SDCCAG8: variants seen among roughly 807,000 people sequenced by gnomAD.
SDCCAG8 encodes serologically defined colon cancer antigen 8.
Under a neutral mutation model 101.8 loss-of-function variants are expected in SDCCAG8, and 74 were observed. The ratio of observed to expected loss-of-function variants is 0.73; its 90% CI spans 0.60 to 0.88. The LOEUF (loss-of-function observed/expected upper bound fraction) is 0.88. Among genes scored for constraint, SDCCAG8 ranks in the 40% least tolerant of loss-of-function variants. The pLI, the probability that SDCCAG8 is intolerant of heterozygous loss-of-function variation, is 0.00. For missense variants in SDCCAG8, 787 were observed against 822.6 expected (o/e 0.96, Z 0.53); for synonymous variants, 281 against 292.9 (o/e 0.96, Z 0.41).
chr1:243,387,891 T>A (rs942486549), intron 13 of SDCCAG8, among the ~76,000 whole-genome samples: 4 of 152,112 alleles, frequency 2.6e-5, no homozygotes, highest in African/African-American at 7.2e-5. Context: ...AATTTTTGTA[T>A]TTTTAGTAGA....
intron 1 of SDCCAG8, among the ~76,000 whole-genome samples, chr1:243,260,678 A>G (rs1019392219): frequency 6.6e-6 from 1 of 152,232 alleles, no homozygotes; most frequent in Non-Finnish European, 1.5e-5. Flanking sequence ...ACCTGTATAC[A>G]TGACTCACCT....
At chr1:243,270,374 A>G (rs2067988709) in intron 2 of SDCCAG8, 117 bp downstream of exon 2, 2 of 1,038,866 alleles carry the variant, frequency 1.9e-6, no homozygotes, top group African/African-American at 1.6e-5. Context: ...CTCAAACACA[A>G]ATCAGATAAT....
chr1:243,402,314 C>A lies in SDCCAG8; in HGVS notation c.1617-13388C>A, dbSNP rs570250776. On this transcript the variant is annotated intron_variant, in intron 13 of 17. Transcript: ENST00000366541. ...GCATGATGGCGCACACCTGTAGTCACAGCTGCTCAGGAGGCTGAGACAGGA... is the reference window on the plus strand; with the variant it reads ...GCATGATGGCGCACACCTGTAGTCAAAGCTGCTCAGGAGGCTGAGACAGGA... Among the ~76,000 whole-genome samples, 13 of 151,040 alleles carry A rather than the reference C, an allele frequency of 8.6e-5. No individual in the cohort carries two copies. The South Asian group carries it at 2.5e-3, about 29-fold the overall frequency.
rs60044857 is a variant in SDCCAG8, at chr1:243,439,622, TCACACACACACACA to T, written c.1985+13095_1985+13108del. Among the ~76,000 whole-genome samples the T allele has an allele frequency of 5.4e-3, 648 of 120,198 alleles. 10 individuals carry two copies. The highest frequency in any genetic ancestry group is 0.02 in the African/African-American group (605 of 30,226). The allele number at this position is 120,198 out of a possible 152,430, so 78.9% of individuals were successfully genotyped here. ...CCTGGGCAACAAGAGTGAGACTCCATCACACACACACACACACACACACACACACACACACACAC... is the reference window on the plus strand; with the variant it reads ...CCTGGGCAACAAGAGTGAGACTCCATCACACACACACACACACACACACAC... On this transcript the variant is annotated intron_variant, in intron 16 of 17. Coordinates refer to ENST00000366541, the MANE Select transcript of SDCCAG8 (RefSeq NM_006642.5).
intron 12 of SDCCAG8, among the ~76,000 whole-genome samples, chr1:243,363,227 A>G (rs969239652): frequency 1.3e-5 from 2 of 152,262 alleles, no homozygotes; most frequent in African/African-American, 4.8e-5. Context: ...TTTAAGAACC[A>G]GATCATGTTT....
At chr1:243,391,774 A>G (rs1159914570) in intron 13 of SDCCAG8, among the ~76,000 whole-genome samples, 2 of 152,238 alleles carry the variant, frequency 1.3e-5, no homozygotes, top group African/African-American at 4.8e-5. Flanking sequence ...TTAGAACCAT[A>G]TGAACAAAAG....
At chr1:243,383,270 C>A (rs936952475) in intron 13 of SDCCAG8, among the ~76,000 whole-genome samples, 1 of 152,102 alleles carries the variant, frequency 6.6e-6, no homozygotes, top group African/African-American at 2.4e-5. Flanking sequence ...CCCAGACAGC[C>A]TAGGATTGAA....
At chr1:243,357,240 G>A (rs1471760622) in intron 12 of SDCCAG8, among the ~76,000 whole-genome samples, 9 of 152,000 alleles carry the variant, frequency 5.9e-5, no homozygotes, top group South Asian at 2.1e-4. Flanking sequence ...TTAGCCAGGC[G>A]TGGTGGCACA....
intron 12 of SDCCAG8, among the ~76,000 whole-genome samples, chr1:243,350,799 C>T (rs988038201): frequency 2.0e-5 from 3 of 152,114 alleles, no homozygotes; most frequent in African/African-American, 7.2e-5. Context: ...GAACCTTTTC[C>T]CTGGAAGTTT....
intron 15 of SDCCAG8, among the ~76,000 whole-genome samples, chr1:243,421,487 TA>T (rs2081002059): frequency 6.6e-6 from 1 of 152,180 alleles, no homozygotes; most frequent in African/African-American, 2.4e-5. Context: ...AAGGAGACCG[TA>T]AGTCGCATTA....
intron 16 of SDCCAG8, among the ~76,000 whole-genome samples, chr1:243,468,414 C>T (rs1292247770): frequency 6.6e-6 from 1 of 152,166 alleles, no homozygotes; most frequent in East Asian, 1.9e-4. Context: ...GATGGGGTTT[C>T]ACCATATTGG....
chr1:243,429,695 A>ATTT lies in SDCCAG8; in HGVS notation c.1985+3159_1985+3161dup, dbSNP rs796450909. Among the ~76,000 whole-genome samples the ATTT allele has an allele frequency of 6.9e-3, 642 of 92,856 alleles. 22 individuals are homozygous for ATTT. The highest frequency in any genetic ancestry group is 0.014 in the African/African-American group (324 of 22,818). 60.9% of individuals were successfully genotyped at this position (92,856 alleles called of 152,430 possible). The stretch of plus-strand genomic sequence containing the variant: ...AGGTACATACCACCATGCTCTGCTA[A>ATTT]TTTTTTTTTTTTTTTTTTTTTTTTG... On this transcript the variant is annotated intron_variant, in intron 16 of 17. Transcript: ENST00000366541.
In SDCCAG8 at chr1:243,418,050, A is replaced by C; in HGVS notation, c.1827A>C (p.Lys609Asn). 6.2e-7 allele frequency: 1 copy of C among 1,612,670 alleles called. No homozygotes were observed. Among genetic ancestry groups the C allele is most frequent in the East Asian group, 2.2e-5 (1 of 44,804 alleles). ...AAGAATGCTGTACATTAGCCAAGAA[A>C]CTGGAACAAATCTCTCAAAAAACCA... ...LKEECCTLAK[K>N]LEQISQKTRS... The change falls in exon 15 of 18, where the codon AAA becomes AAC. Residue 609 changes from lysine to asparagine, a missense_variant. Lys to Asn is a moderately conservative substitution (Grantham distance 94). Coordinates refer to ENST00000366541, the MANE Select transcript of SDCCAG8 (RefSeq NM_006642.5).
intron 12 of SDCCAG8, among the ~76,000 whole-genome samples, chr1:243,354,272 A>G (rs906749772): frequency 7.2e-5 from 11 of 152,224 alleles, no homozygotes; most frequent in African/African-American, 2.4e-4. Flanking sequence ...CATAAAATCA[A>G]CAGAAATTGC....
chr1:243,412,614 C>T (rs1285419369), intron 13 of SDCCAG8, among the ~76,000 whole-genome samples: 2 of 151,094 alleles, frequency 1.3e-5, no homozygotes, highest in Admixed American at 1.3e-4. Flanking sequence ...TTTCCCAGCT[C>T]ATCAGCAATC....
rs2077865176 is a variant in SDCCAG8, at chr1:243,380,412, C to G, written c.1616+1549C>G. Among the ~76,000 whole-genome samples the G allele has an allele frequency of 1.3e-5, 2 of 152,304 alleles. 1 individual carries two copies. Among genetic ancestry groups the G allele is most frequent in the South Asian group, 4.1e-4 (2 of 4,826 alleles). On this transcript the variant is annotated intron_variant, in intron 13 of 17. Transcript: ENST00000366541. The stretch of plus-strand genomic sequence containing the variant: ...GCACTGCTAAACCTCAGAAATAGGA[C>G]AGCTTTTAATGTCTCAGTGTGGCTG...
chr1:243,476,768 G>C (rs142834745), intron 16 of SDCCAG8, among the ~76,000 whole-genome samples: 41 of 152,294 alleles, frequency 2.7e-4, no homozygotes, highest in Non-Finnish European at 5.3e-4. Flanking sequence ...TGCCAACTAA[G>C]TATGAAGGAT....
intron 16 of SDCCAG8, among the ~76,000 whole-genome samples, chr1:243,482,209 A>G (rs923730148): frequency 2.6e-5 from 4 of 152,162 alleles, no homozygotes; most frequent in Admixed American, 1.3e-4. Flanking sequence ...TCAGCTCTAT[A>G]AAGTTGTTTT....
intron 12 of SDCCAG8, among the ~76,000 whole-genome samples, chr1:243,365,544 T>C (rs2076948455): frequency 6.6e-6 from 1 of 152,180 alleles, no homozygotes; most frequent in Non-Finnish European, 1.5e-5. Context: ...CCATTTGGTA[T>C]AAGAGTTTTA....
Sources: gnomAD v4.1 joint callset for allele counts (sites outside exome capture counted in the v4.1 genomes callset) on GRCh38, gnomAD v4.1.1 for gene constraint, MANE v1.5 for transcripts, NCBI Gene and HGNC (gene_info 2026-07-23, HGNC 2026-07-21) for gene names.